The following CCDC122 variants were observed in gnomAD, a reference collection of about 807,000 sequenced individuals.
CCDC122 encodes the protein coiled-coil domain-containing protein 122.
CCDC122 carries 38 observed loss-of-function variants against 37.0 expected under a neutral mutation model. The observed-to-expected ratio is 1.03, with a 90% CI of 0.79 to 1.35. The LOEUF (loss-of-function observed/expected upper bound fraction) is 1.35, where lower values mean the gene tolerates loss of function less well. Among genes scored for constraint, CCDC122 ranks in the 40% most tolerant of loss-of-function variants. The pLI is 0.00. For missense variants in CCDC122, 305 were observed against 310.0 expected, an observed-to-expected ratio of 0.98 and a Z score of 0.12; for synonymous variants, 83 against 95.6, an observed-to-expected ratio of 0.87 and a Z score of 0.77.
chr13:43,834,554 T>C (rs1314279074), downstream of CCDC122, among the ~76,000 whole-genome samples: 1 of 152,204 alleles, frequency 6.6e-6, no homozygotes, highest in Non-Finnish European at 1.5e-5. Flanking sequence ...TTTTGCAATC[T>C]ACTCATCTGA....
chr13:43,849,470 G>A (rs995453275), intron 6 of CCDC122, among the ~76,000 whole-genome samples: 1 of 152,210 alleles, frequency 6.6e-6, no homozygotes, highest in Non-Finnish European at 1.5e-5. Flanking sequence ...GAAAGTTGGA[G>A]AGAAGAAGGC....
At chr13:43,858,005 A>G (rs1329339631) in intron 6 of CCDC122, 1 of 152,210 alleles carries the variant, frequency 6.6e-6, no homozygotes, top group Non-Finnish European at 1.5e-5. Flanking sequence ...TAATGTCTAC[A>G]AGGGCAAAAA....
In CCDC122 at chr13:43,869,502, T is replaced by G; in HGVS notation, c.-113-13A>C. On this transcript the variant is annotated splice_polypyrimidine_tract_variant and intron_variant, in intron 2 of 6. Transcript: ENST00000444614. The stretch of plus-strand genomic sequence containing the variant: ...TATATTGGTGATCCTGAAAGGTAAA[T>G]TAATTGTCAAACATGTCACAGGGAT... 1.5e-6 allele frequency: 1 copy of G among 677,966 alleles called. No individual in the cohort carries two copies. The highest frequency in any genetic ancestry group is 2.9e-5 in the East Asian group (1 of 34,482). 42.0% of individuals were successfully genotyped at this position (677,966 alleles called of 1,614,324 possible).
chr13:43,827,619 A>T (rs1953051289), intron 3 of CCDC122, among the ~76,000 whole-genome samples: 1 of 152,178 alleles, frequency 6.6e-6, no homozygotes, highest in African/African-American at 2.4e-5. Context: ...TTTCATCCAA[A>T]TGCAGATGAA....
chr13:43,837,422 T>C lies in CCDC122; in HGVS notation c.680A>G (p.His227Arg), dbSNP rs2153869233. 6.2e-7 allele frequency: 1 copy of C among 1,612,030 alleles called. No homozygotes were observed. Among genetic ancestry groups the C allele is most frequent in the Non-Finnish European group, 8.5e-7 (1 of 1,179,412 alleles). Residue 227 changes from histidine (H) to arginine (R), a missense_variant, in exon 7 of 7, where the codon CAT (histidine) becomes CGT (arginine). By Grantham distance (29) the His-to-Arg change is conservative. Coordinates refer to ENST00000444614, the MANE Select transcript of CCDC122 (RefSeq NM_144974.5). ...EKLRKEIEVQHKRYDAILKRL... is the reference protein window; with the variant it reads ...EKLRKEIEVQRKRYDAILKRL... Reference sequence around the variant, plus strand: ...CTTAAGAATTGCATCATACCTCTTATGTTGTACCTATCAAAAGAAGAGCAC... The same window carrying C: ...CTTAAGAATTGCATCATACCTCTTACGTTGTACCTATCAAAAGAAGAGCAC...
At chr13:43,828,407 C>G (rs1953059168) in intron 3 of CCDC122, among the ~76,000 whole-genome samples, 1 of 152,180 alleles carries the variant, frequency 6.6e-6, no homozygotes, top group South Asian at 2.1e-4. Flanking sequence ...GCAGCCACAT[C>G]AAATGCCAAG....
In CCDC122 at chr13:43,836,678, G is replaced by C. The variant is rs1489857279; in HGVS notation, c.*602C>G. ...ATCCTGGCTAACAAGGTGAAACCCC[G>C]TCTCTACTAAAAATACAAAAAATTA... On this transcript the variant is annotated 3_prime_UTR_variant, in exon 7 of 7. Transcript: ENST00000444614. 6.6e-6 allele frequency: 1 copy of C among 150,614 alleles called. No individual in the cohort carries two copies. The highest frequency in any genetic ancestry group is 1.5e-5 in the Non-Finnish European group (1 of 67,680). The allele number at this position is 150,614 out of a possible 1,614,324, so 9.3% of individuals were successfully genotyped here. A position where few individuals can be genotyped will look rare whatever the true frequency, so the allele number is the denominator to read the frequency against.
chr13:43,845,890 A>G (rs1953511204), intron 6 of CCDC122, among the ~76,000 whole-genome samples: 1 of 152,122 alleles, frequency 6.6e-6, no homozygotes, highest in Non-Finnish European at 1.5e-5. Context: ...TTTACCCACA[A>G]TATCAATCAT....
intron 3 of CCDC122, among the ~76,000 whole-genome samples, chr13:43,829,341 T>C (rs868454009): frequency 6.6e-6 from 1 of 152,332 alleles, no homozygotes; most frequent in Middle Eastern, 3.4e-3. Context: ...AGTCTTGCTC[T>C]ATCACCCAGG....
At chr13:43,828,069 T>C (rs897273028) in intron 3 of CCDC122, among the ~76,000 whole-genome samples, 1 of 152,202 alleles carries the variant, frequency 6.6e-6, no homozygotes, top group Non-Finnish European at 1.5e-5. Flanking sequence ...GTGTTTACTG[T>C]TTACTCATGG....
Position 43,860,065 on chromosome 13 carries a change from T to C in CCDC122, c.162A>G (p.Glu54=). 3 of 1,494,086 alleles carry C rather than the reference T, an allele frequency of 2.0e-6. No individual in the cohort carries two copies. Among genetic ancestry groups the C allele is most frequent in the Non-Finnish European group, 1.8e-6 (2 of 1,114,918 alleles). 92.6% of individuals were successfully genotyped at this position (1,494,086 alleles called of 1,614,324 possible). The change falls in exon 5 of 7, where the codon GAA becomes GAG. Residue 54 remains glutamate (E), a synonymous_variant. Transcript: ENST00000444614. ...CTATTTCTTTTTCAAGCTCATGAAGTTCATTCTGTAATACATTTTAACATT... is the reference window on the plus strand; with the variant it reads ...CTATTTCTTTTTCAAGCTCATGAAGCTCATTCTGTAATACATTTTAACATT... ...NKKVLFNLKN[E]LHELEKEIAA...
chr13:43,837,978 T>A (rs1244768585), intron 6 of CCDC122, among the ~76,000 whole-genome samples: 1 of 152,148 alleles, frequency 6.6e-6, no homozygotes, highest in East Asian at 1.9e-4. Context: ...CTTTGGTCAA[T>A]CACAGGTGGT....
chr13:43,826,712 A>G (rs1422725908), intron 3 of CCDC122, among the ~76,000 whole-genome samples: 1 of 152,206 alleles, frequency 6.6e-6, no homozygotes, highest in Non-Finnish European at 1.5e-5. Context: ...AAAGTGATCA[A>G]AATAGAGGTT....
downstream of CCDC122, among the ~76,000 whole-genome samples, chr13:43,831,775 T>G (rs1953092010): frequency 6.6e-6 from 1 of 152,148 alleles, no homozygotes; most frequent in Non-Finnish European, 1.5e-5. Context: ...TCTAATTTTC[T>G]TTTGGAATAC....
At chr13:43,866,873 T>A (rs573397863) in intron 4 of CCDC122, among the ~76,000 whole-genome samples, 1 of 152,314 alleles carries the variant, frequency 6.6e-6, no homozygotes, top group Non-Finnish European at 1.5e-5. Context: ...CATCTGTGAA[T>A]AAAAACAGAT....
At chr13:43,879,089 A>G (rs532326683) in intron 1 of CCDC122, among the ~76,000 whole-genome samples, 17 of 152,164 alleles carry the variant, frequency 1.1e-4, no homozygotes, top group Non-Finnish European at 2.5e-4. Context: ...TCCCTCAGAG[A>G]CCGGAAACGC....
chr13:43,835,487 GT>G (rs1401259694), downstream of CCDC122, among the ~76,000 whole-genome samples: 1 of 152,022 alleles, frequency 6.6e-6, no homozygotes, highest in Admixed American at 6.6e-5. Context: ...AGGAGAAAAA[GT>G]TTCTTTTTCA....
At chr13:43,850,004 TAG>T (rs751680977) in intron 6 of CCDC122, among the ~76,000 whole-genome samples, 6 of 152,172 alleles carry the variant, frequency 3.9e-5, no homozygotes, top group Non-Finnish European at 8.8e-5. Flanking sequence ...GGAGCTCTGG[TAG>T]AGAGTCAGGA....
At chr13:43,866,555 C>A (rs1594853466) in intron 4 of CCDC122, among the ~76,000 whole-genome samples, 2 of 152,252 alleles carry the variant, frequency 1.3e-5, no homozygotes, top group East Asian at 3.9e-4. Flanking sequence ...ACTGAGTCTT[C>A]TGTTTCATAA....
Sources: gnomAD v4.1 joint callset for allele counts (sites outside exome capture counted in the v4.1 genomes callset) on GRCh38, gnomAD v4.1.1 for gene constraint, MANE v1.5 for transcripts, NCBI Gene and HGNC (gene_info 2026-07-23, HGNC 2026-07-21) for gene names.